Variants in TWIST2 observed in about 807,000 individuals in gnomAD.
TWIST2 encodes the protein twist family bHLH transcription factor 2.
In TWIST2, 1 loss-of-function variant was observed where a neutral mutation model predicts 11.6. The observed-to-expected ratio is 0.09, with a 90% confidence interval of 0.03 to 0.41. TWIST2 has a LOEUF of 0.41. Among genes scored for constraint, TWIST2 ranks in the 10% least tolerant of loss-of-function variants. The probability of loss-of-function intolerance (pLI) is 0.98; values close to 1 mark genes in which losing one functional copy is unlikely to be tolerated. For synonymous variants in TWIST2, 87 were observed against 96.6 expected (o/e 0.90, Z 0.58); for missense variants, 168 against 226.4 (o/e 0.74, Z 1.66).
chr2:238,908,032 A>G (rs1693385310), intron 1 of TWIST2, among the ~76,000 whole-genome samples: 1 of 150,968 alleles, frequency 6.6e-6, no homozygotes, highest in Non-Finnish European at 1.5e-5. Context: ...ACACAAACAC[A>G]CCACACCCCC....
intron 1 of TWIST2, among the ~76,000 whole-genome samples, chr2:238,908,811 TGC>T (rs1468411644): frequency 2.7e-5 from 4 of 150,678 alleles, no homozygotes; most frequent in African/African-American, 9.8e-5. Flanking sequence ...GTGTGTAGTG[TGC>T]GGTATGTTTG....
rs549880466 is a variant in TWIST2 at position 238,889,388 on chromosome 2, CAT to C, written c.*36-20452_*36-20451del. Among the ~76,000 whole-genome samples, 146 of 152,236 alleles carry C rather than the reference CAT, an allele frequency of 9.6e-4. 1 individual carries two copies. Among genetic ancestry groups the C allele is most frequent in the African/African-American group, 3.0e-3 (126 of 41,528 alleles). Reference sequence around the variant, plus strand: ...TTATATATACACACATATATATACACATAGACGTGTGTACCATATGTACATAA... The same window carrying C: ...TTATATATACACACATATATATACACAGACGTGTGTACCATATGTACATAA... On this transcript the variant is annotated intron_variant, in intron 1 of 1. Transcript: ENST00000612363.
intron 1 of TWIST2, among the ~76,000 whole-genome samples, chr2:238,891,274 T>C (rs1693127765): frequency 6.6e-6 from 1 of 152,194 alleles, no homozygotes; most frequent in African/African-American, 2.4e-5. Flanking sequence ...GGACTCCTGG[T>C]AAACCTCTCT....
At chr2:238,874,890 T>C (rs1264013970) in intron 1 of TWIST2, among the ~76,000 whole-genome samples, 1 of 152,158 alleles carries the variant, frequency 6.6e-6, no homozygotes. Flanking sequence ...TTCTATGTTT[T>C]GGTGCCTCCC....
intron 1 of TWIST2, among the ~76,000 whole-genome samples, chr2:238,905,920 G>T (rs1329562508): frequency 1.8e-5 from 2 of 113,104 alleles, no homozygotes; most frequent in Non-Finnish European, 3.8e-5. Context: ...TGTGCGTGCA[G>T]GTGTGCGTGT....
At chr2:238,874,999 T>C (rs1013067017) in intron 1 of TWIST2, among the ~76,000 whole-genome samples, 17 of 152,078 alleles carry the variant, frequency 1.1e-4, no homozygotes, top group Admixed American at 9.2e-4. Flanking sequence ...AACAATGAAG[T>C]TGACCAAGGA....
intron 1 of TWIST2, among the ~76,000 whole-genome samples, chr2:238,857,971 C>T (rs771275594): frequency 6.6e-6 from 1 of 152,116 alleles, no homozygotes; most frequent in Non-Finnish European, 1.5e-5. Flanking sequence ...AAACCAACAC[C>T]ATTACATTGG....
chr2:238,853,448 G>GA (rs1692278424), intron 1 of TWIST2, among the ~76,000 whole-genome samples: 12 of 130,628 alleles, frequency 9.2e-5, no homozygotes, highest in Admixed American at 1.6e-4. Flanking sequence ...AGGGAGAGAT[G>GA]GAGAGAGAGA....
intron 1 of TWIST2, among the ~76,000 whole-genome samples, chr2:238,870,288 T>C (rs373155601): frequency 0.062 from 3 of 48 alleles, no homozygotes; most frequent in Admixed American, 0.25. Context: ...ACACATCACA[T>C]ACCACACACC....
At chr2:238,869,262 A>G (rs191293847) in intron 1 of TWIST2, among the ~76,000 whole-genome samples, 1 of 152,372 alleles carries the variant, frequency 6.6e-6, no homozygotes, top group African/African-American at 2.4e-5. Flanking sequence ...GTTTACTGCC[A>G]CGGAGATGGA....
At chr2:238,897,604 C>T (rs1693221216) in intron 1 of TWIST2, among the ~76,000 whole-genome samples, 1 of 152,212 alleles carries the variant, frequency 6.6e-6, no homozygotes, top group African/African-American at 2.4e-5. Context: ...CCCTGCCCTG[C>T]TTAGAGCTCG....
chr2:238,881,091 TGTTA>T (rs1184311975), intron 1 of TWIST2, among the ~76,000 whole-genome samples: 1 of 90,130 alleles, frequency 1.1e-5, no homozygotes, highest in Non-Finnish European at 2.2e-5. Context: ...AGTATTAGTG[TGTTA>T]GTATTGGTAT....
At chr2:238,871,610 TCA>T (rs1692704190) in intron 1 of TWIST2, among the ~76,000 whole-genome samples, 1 of 63,618 alleles carries the variant, frequency 1.6e-5, no homozygotes, top group South Asian at 7.0e-4. Context: ...CACACCCCAC[TCA>T]CACACATCAC....
chr2:238,855,877 G>A (rs1223192810), intron 1 of TWIST2, among the ~76,000 whole-genome samples: 1 of 152,176 alleles, frequency 6.6e-6, no homozygotes, highest in East Asian at 1.9e-4. Flanking sequence ...CCGCCTCAGT[G>A]TGTGCTTGGC....
intron 1 of TWIST2, among the ~76,000 whole-genome samples, chr2:238,907,451 C>T (rs977801980): frequency 6.6e-6 from 1 of 152,174 alleles, no homozygotes; most frequent in Non-Finnish European, 1.5e-5. Context: ...GAACCAGGCT[C>T]TGGGTAGCGC....
rs1383395047 is a variant in TWIST2, at chr2:238,863,249, C to T, written c.*35+14516C>T. On this transcript the variant is annotated intron_variant, in intron 1 of 1. Coordinates refer to ENST00000612363, the MANE Select transcript of TWIST2 (RefSeq NM_001271893.4). This position sits in a 1 kb window ranked among gnomAD's most constrained non-coding sequence, Gnocchi z 4.7. ...CAGCTGCCATCCACATAGGAATGCC[C>T]TCACCGCAACCCCCACTCGGTGTTA... Among the ~76,000 whole-genome samples, 10 of 152,114 alleles carry T rather than the reference C, an allele frequency of 6.6e-5. No individual in the cohort carries two copies. The highest frequency in any genetic ancestry group is 6.5e-4 in the Admixed American group (10 of 15,272).
At chr2:238,897,923 C>T (rs1232606012) in intron 1 of TWIST2, among the ~76,000 whole-genome samples, 1 of 152,212 alleles carries the variant, frequency 6.6e-6, no homozygotes, top group East Asian at 1.9e-4. Flanking sequence ...CTCCATGGGG[C>T]CTGCTGCTGG....
chr2:238,862,772 G>A (rs554463118), intron 1 of TWIST2, among the ~76,000 whole-genome samples: 5 of 152,300 alleles, frequency 3.3e-5, no homozygotes, highest in African/African-American at 7.2e-5. Flanking sequence ...TAATATTGGC[G>A]ACAAAATTAA....
At chr2:238,853,715 C>T (rs1692284369) in intron 1 of TWIST2, among the ~76,000 whole-genome samples, 1 of 152,062 alleles carries the variant, frequency 6.6e-6, no homozygotes, top group Non-Finnish European at 1.5e-5. Context: ...GTTGTCACTT[C>T]GAAAAGAGAC....
Sources: gnomAD v4.1 joint callset for allele counts (sites outside exome capture counted in the v4.1 genomes callset) on GRCh38, gnomAD v4.1.1 for gene constraint, Gnocchi (gnomAD v3.1) non-coding constraint, MANE v1.5 for transcripts, NCBI Gene and HGNC (gene_info 2026-07-23, HGNC 2026-07-21) for gene names.